The following AJAP1 variants were observed in gnomAD, a reference collection of about 807,000 sequenced individuals.
The protein encoded by AJAP1 is adherens junctions associated protein 1.
In AJAP1, 5 loss-of-function variants were observed where a neutral mutation model predicts 35.0. The ratio of observed to expected loss-of-function variants is 0.14; its 90% CI spans 0.07 to 0.30. The LOEUF is 0.30. Ranked by LOEUF, AJAP1 falls within the 10% of genes least tolerant of loss-of-function variation. The pLI is 1.00. For synonymous variants in AJAP1, 284 were observed against 249.3 expected (o/e 1.14, Z -1.31); for missense variants, 586 against 571.0 (o/e 1.03, Z -0.27).
Position 4,774,542 on chromosome 1 carries a change from CGT to C in AJAP1, c.*48_*49del. On this transcript the variant is annotated 3_prime_UTR_variant, in exon 5 of 6. Coordinates refer to ENST00000378191, the MANE Select transcript of AJAP1 (RefSeq NM_018836.4). The stretch of plus-strand genomic sequence containing the variant: ...TACCTCCTGGGGGCAGGGCAGACGC[CGT>C]GTGTCTGTTTCACGGTAGGTACCTC... 6.3e-7 allele frequency: 1 copy of C among 1,580,834 alleles called. No homozygotes were observed. The highest frequency in any genetic ancestry group is 1.1e-5 in the South Asian group (1 of 90,370).
intron 1 of AJAP1, among the ~76,000 whole-genome samples, chr1:4,658,907 G>T (rs976002405): frequency 6.6e-6 from 1 of 152,196 alleles, no homozygotes; most frequent in African/African-American, 2.4e-5. Flanking sequence ...ATGCACCTGC[G>T]TCTTTCTAGC....
At chr1:4,683,885 G>T (rs939745571) in intron 1 of AJAP1, among the ~76,000 whole-genome samples, 1 of 152,218 alleles carries the variant, frequency 6.6e-6, no homozygotes, top group East Asian at 1.9e-4. Context: ...GATGCTTAGG[G>T]CAGGGGGCAC....
chr1:4,752,477 A>G (rs1478283876), intron 2 of AJAP1, among the ~76,000 whole-genome samples: 2 of 152,170 alleles, frequency 1.3e-5, no homozygotes, highest in Admixed American at 6.5e-5. Context: ...CCCATTCGCA[A>G]TCTTACGAGC....
At chr1:4,747,647 A>C (rs1641220390) in intron 2 of AJAP1, among the ~76,000 whole-genome samples, 2 of 152,174 alleles carry the variant, frequency 1.3e-5, no homozygotes, top group Non-Finnish European at 2.9e-5. Flanking sequence ...GAGTGGATAG[A>C]TCACAGTTAG....
chr1:4,739,116 C>T (rs1025902297), intron 2 of AJAP1, among the ~76,000 whole-genome samples: 3 of 152,230 alleles, frequency 2.0e-5, no homozygotes, highest in East Asian at 1.9e-4. Context: ...AGCTAAATGA[C>T]GCAGAAAACT....
At chr1:4,707,790 A>G (rs74051943) in intron 1 of AJAP1, among the ~76,000 whole-genome samples, 2,273 of 151,284 alleles carry the variant, frequency 0.015, 68 homozygotes, top group African/African-American at 0.052. Flanking sequence ...GGTCCCTGGA[A>G]CTCTGTCTTT....
At chr1:4,741,897 G>T (rs773682990) in intron 2 of AJAP1, among the ~76,000 whole-genome samples, 1 of 152,224 alleles carries the variant, frequency 6.6e-6, no homozygotes, top group Non-Finnish European at 1.5e-5. Context: ...GCCCAAAGGG[G>T]CTCCCACTGG....
At chr1:4,689,480 A>C (rs1340198607) in intron 1 of AJAP1, among the ~76,000 whole-genome samples, 3 of 152,170 alleles carry the variant, frequency 2.0e-5, no homozygotes, top group Non-Finnish European at 4.4e-5. Context: ...TGCACAGGGC[A>C]GAGGGGCCAG....
At chr1:4,748,747 CAAAAAAAAAAA>C (rs70955802) in intron 2 of AJAP1, among the ~76,000 whole-genome samples, 2 of 98,302 alleles carry the variant, frequency 2.0e-5, no homozygotes, top group Non-Finnish European at 4.0e-5. Flanking sequence ...GACTCTGTCT[CAAAAAAAAAAA>C]AAAAAAAAAA....
chr1:4,770,029 G>A lies in AJAP1; in HGVS notation c.917+89G>A. On this transcript the variant is annotated intron_variant, in intron 3 of 5. Coordinates refer to ENST00000378191, the MANE Select transcript of AJAP1 (RefSeq NM_018836.4). ...TACAGAAAGGCCCCTACTTTTCAAA[G>A]CCAGCCTGTTCTGCTGGCTTCTGCC... 3.4e-6 allele frequency: 4 copies of A among 1,184,196 alleles called. No individual in the cohort carries two copies. The Admixed American group carries it at 6.8e-5, about 20-fold the overall frequency. The allele number at this position is 1,184,196 out of a possible 1,614,324, so 73.4% of individuals were successfully genotyped here. A position where few individuals can be genotyped will look rare whatever the true frequency, so the allele number is the denominator to read the frequency against.
chr1:4,710,253 C>T lies in AJAP1; in HGVS notation c.30-1647C>T, dbSNP rs969858731. Among the ~76,000 whole-genome samples the T allele has an allele frequency of 3.3e-5, 5 of 152,116 alleles. No individual in the cohort carries two copies. The East Asian group carries it at 9.6e-4, about 29-fold the overall frequency. Reference sequence around the variant, plus strand: ...ATGCACTCACACACTTCTATGCTGACACACATGGACACAGTCACACAACAG... The same window carrying T: ...ATGCACTCACACACTTCTATGCTGATACACATGGACACAGTCACACAACAG... On this transcript the variant is annotated intron_variant, in intron 1 of 5. Transcript: ENST00000378191.
intron 1 of AJAP1, among the ~76,000 whole-genome samples, chr1:4,696,785 G>T (rs1639871057): frequency 6.6e-6 from 1 of 152,226 alleles, no homozygotes; most frequent in Non-Finnish European, 1.5e-5. Context: ...GGCATATTCT[G>T]TGTGCATGTG....
intron 2 of AJAP1, among the ~76,000 whole-genome samples, chr1:4,756,810 C>A (rs1196518357): frequency 2.6e-5 from 4 of 152,140 alleles, no homozygotes; most frequent in Non-Finnish European, 5.9e-5. Context: ...ACAAAGAATT[C>A]CCACCTTGAT....
At chr1:4,754,259 C>T (rs776067303) in intron 2 of AJAP1, among the ~76,000 whole-genome samples, 1 of 152,172 alleles carries the variant, frequency 6.6e-6, no homozygotes, top group Admixed American at 6.5e-5. Flanking sequence ...ACATAGCACA[C>T]TCATTTGTTT....
intron 1 of AJAP1, among the ~76,000 whole-genome samples, chr1:4,709,793 C>T (rs1355798773): frequency 6.6e-6 from 1 of 152,142 alleles, no homozygotes; most frequent in Non-Finnish European, 1.5e-5. Flanking sequence ...ATGTGGAGGT[C>T]CTCATTTCTG....
chr1:4,728,789 G>A (rs962925514), intron 2 of AJAP1, among the ~76,000 whole-genome samples: 3 of 152,192 alleles, frequency 2.0e-5, no homozygotes, highest in Admixed American at 2.0e-4. Flanking sequence ...GCTTTTTTGG[G>A]TGGTCAGGTT....
intron 5 of AJAP1, among the ~76,000 whole-genome samples, chr1:4,780,065 A>G (rs1642029676): frequency 7.0e-6 from 1 of 142,174 alleles, no homozygotes; most frequent in African/African-American, 2.7e-5. Flanking sequence ...AATCGCTTGA[A>G]CCCAGGAGGC....
chr1:4,687,675 T>G (rs1639638181), intron 1 of AJAP1, among the ~76,000 whole-genome samples: 1 of 152,086 alleles, frequency 6.6e-6, no homozygotes, highest in Non-Finnish European at 1.5e-5. Flanking sequence ...CCAAACTGAA[T>G]CGTAGAGTGA....
At chr1:4,718,683 A>C (rs868437924) in intron 2 of AJAP1, among the ~76,000 whole-genome samples, 1 of 151,976 alleles carries the variant, frequency 6.6e-6, no homozygotes, top group South Asian at 2.1e-4. Context: ...GGGTTTCACT[A>C]TGTTGGCCAG....
Sources: gnomAD v4.1 joint callset for allele counts (sites outside exome capture counted in the v4.1 genomes callset) on GRCh38, gnomAD v4.1.1 for gene constraint, MANE v1.5 for transcripts, NCBI Gene and HGNC (gene_info 2026-07-23, HGNC 2026-07-21) for gene names.